SPMIP2: variants seen among roughly 807,000 people sequenced by gnomAD.
SPMIP2 encodes the protein protein SPMIP2.
the SPMIP2 span, among the ~76,000 whole-genome samples, chr4:158,911,623 C>T: frequency 6.6e-6 from 1 of 152,202 alleles, no homozygotes; most frequent in Non-Finnish European, 1.5e-5. Flanking sequence ...TCCTCCAGCA[C>T]CTTGCTACTC....
chr4:158,913,554 A>G, the SPMIP2 span, among the ~76,000 whole-genome samples: 3 of 152,212 alleles, frequency 2.0e-5, no homozygotes, highest in African/African-American at 7.2e-5. Context: ...ACTTTAGATT[A>G]GATAATAATA....
chr4:158,934,783 C>T, the SPMIP2 span, among the ~76,000 whole-genome samples: 1 of 152,140 alleles, frequency 6.6e-6, no homozygotes, highest in Non-Finnish European at 1.5e-5. Flanking sequence ...CATCCCTCCA[C>T]ATTTAGTTGG....
the SPMIP2 span, among the ~76,000 whole-genome samples, chr4:159,028,407 T>C: frequency 1.1e-4 from 16 of 152,296 alleles, no homozygotes; most frequent in African/African-American, 3.8e-4. Flanking sequence ...CACAGCTCAC[T>C]GCAGCCTCGA....
chr4:158,942,641 T>G, the SPMIP2 span, among the ~76,000 whole-genome samples: 11 of 151,894 alleles, frequency 7.2e-5, no homozygotes, highest in African/African-American at 2.2e-4. Context: ...ATGGTGGTGG[T>G]GGGGAGGTGC....
chr4:159,061,565 T>C, the SPMIP2 span, among the ~76,000 whole-genome samples: 1 of 152,114 alleles, frequency 6.6e-6, no homozygotes. Context: ...CCCAGCACTT[T>C]GGGAGGCCGA....
chr4:158,909,683 C>T, the SPMIP2 span, among the ~76,000 whole-genome samples: 2 of 151,526 alleles, frequency 1.3e-5, no homozygotes, highest in East Asian at 1.9e-4. Flanking sequence ...CAAGTATCCT[C>T]CTGCCTCAGC....
At chr4:159,074,412 G>A in the SPMIP2 span, among the ~76,000 whole-genome samples, 1 of 152,124 alleles carries the variant, frequency 6.6e-6, no homozygotes, top group Non-Finnish European at 1.5e-5. Context: ...TGTCTGCTGA[G>A]TTCCATTCTA....
the SPMIP2 span, chr4:158,904,369 G>A: frequency 6.5e-6 from 7 of 1,075,972 alleles, no homozygotes; most frequent in Non-Finnish European, 9.7e-6. Flanking sequence ...ATCAAACTTA[G>A]TACCTAGAAA....
At chr4:158,965,121 GA>G in the SPMIP2 span, among the ~76,000 whole-genome samples, 1 of 151,956 alleles carries the variant, frequency 6.6e-6, no homozygotes, top group Non-Finnish European at 1.5e-5. Context: ...GCAGTGGGTG[GA>G]AACAAAAAAC....
At chr4:159,007,606 T>C in the SPMIP2 span, 26 of 1,066,664 alleles carry the variant, frequency 2.4e-5, no homozygotes, top group South Asian at 2.9e-4. Flanking sequence ...CAGACAACCA[T>C]TTCCAAGTAC....
the SPMIP2 span, among the ~76,000 whole-genome samples, chr4:159,011,753 CCAAAAAA>C: frequency 7.7e-5 from 10 of 129,660 alleles, no homozygotes; most frequent in South Asian, 5.3e-4. Context: ...AAACTCCATC[CCAAAAAA>C]AAAAAAAAAA....
chr4:159,000,846 C>T, the SPMIP2 span, among the ~76,000 whole-genome samples: 1 of 152,076 alleles, frequency 6.6e-6, no homozygotes, highest in African/African-American at 2.4e-5. Flanking sequence ...TAACATGTAG[C>T]AATAGTTTAT....
At chr4:159,010,819 A>G in the SPMIP2 span, among the ~76,000 whole-genome samples, 2 of 152,060 alleles carry the variant, frequency 1.3e-5, no homozygotes, top group Non-Finnish European at 2.9e-5. Flanking sequence ...ATAATGTCTT[A>G]CCTATCCTCT....
At chr4:159,079,712 T>A in the SPMIP2 span, among the ~76,000 whole-genome samples, 1 of 152,234 alleles carries the variant, frequency 6.6e-6, no homozygotes, top group Non-Finnish European at 1.5e-5. Flanking sequence ...TGGTGTTCTA[T>A]GTGAGTTCTA....
the SPMIP2 span, among the ~76,000 whole-genome samples, chr4:159,002,992 G>A: frequency 3.9e-5 from 6 of 152,116 alleles, no homozygotes; most frequent in East Asian, 3.9e-4. Context: ...CCTCTAAAAC[G>A]TCATTTTCTA....
At chr4:158,986,259 T>G in the SPMIP2 span, among the ~76,000 whole-genome samples, 2 of 151,856 alleles carry the variant, frequency 1.3e-5, no homozygotes, top group Non-Finnish European at 2.9e-5. Context: ...ACCAATGACT[T>G]TCTTCACAGA....
the SPMIP2 span, among the ~76,000 whole-genome samples, chr4:158,920,760 G>T: frequency 6.6e-6 from 1 of 152,192 alleles, no homozygotes; most frequent in African/African-American, 2.4e-5. Flanking sequence ...TGTGATCTTT[G>T]TTGGACCCTT....
the SPMIP2 span, among the ~76,000 whole-genome samples, chr4:158,939,395 T>TAATCTCCATACC: frequency 6.6e-6 from 1 of 152,224 alleles, no homozygotes; most frequent in Admixed American, 6.5e-5. Context: ...ATCTCTATCC[T>TAATCTCCATACC]ACTTACTAAT....
the SPMIP2 span, among the ~76,000 whole-genome samples, chr4:158,962,883 T>C: frequency 6.6e-6 from 1 of 152,228 alleles, no homozygotes; most frequent in East Asian, 1.9e-4. Context: ...AAAAGTTCAG[T>C]GCAGAGACCC....
Sources: allele counts gnomAD v4.1 joint callset (sites outside exome capture counted in the v4.1 genomes callset), GRCh38; gene constraint gnomAD v4.1.1; transcripts MANE v1.5; gene names NCBI Gene and HGNC (gene_info 2026-07-23, HGNC 2026-07-21).